The following MEIKIN variants were observed in gnomAD, a reference collection of about 807,000 sequenced individuals.
The protein encoded by MEIKIN is meiotic kinetochore factor.
intron 12 of MEIKIN, among the ~76,000 whole-genome samples, chr5:131,817,804 C>G (rs1294647630): frequency 6.6e-6 from 1 of 151,988 alleles, no homozygotes; most frequent in African/African-American, 2.4e-5. Flanking sequence ...GAAATAAGTA[C>G]AAGAATTAAG....
intron 11 of MEIKIN, among the ~76,000 whole-genome samples, chr5:131,846,771 T>G (rs1294839991): frequency 6.6e-6 from 1 of 152,124 alleles, no homozygotes; most frequent in South Asian, 2.1e-4. Context: ...CAGTGAGTCA[T>G]GATCATGCCA....
intron 5 of MEIKIN, among the ~76,000 whole-genome samples, 153 bp from the exon 6 acceptor site, chr5:131,922,094 G>T (rs1561755821): frequency 6.6e-6 from 1 of 152,146 alleles, no homozygotes; most frequent in African/African-American, 2.4e-5. Flanking sequence ...AAGCCTTGAT[G>T]GATCAATATA....
chr5:131,928,303 T>C (rs1751625350), intron 5 of MEIKIN, among the ~76,000 whole-genome samples: 1 of 152,232 alleles, frequency 6.6e-6, no homozygotes, highest in African/African-American at 2.4e-5. Context: ...GTCATTTCAC[T>C]AATTGTTTCT....
chr5:131,915,956 G>C (rs1428688817), intron 7 of MEIKIN, among the ~76,000 whole-genome samples: 3 of 151,960 alleles, frequency 2.0e-5, no homozygotes, highest in Admixed American at 6.6e-5. Flanking sequence ...CAATACATAG[G>C]CAACAGTCAT....
intron 5 of MEIKIN, among the ~76,000 whole-genome samples, chr5:131,928,807 A>G (rs1337748817): frequency 6.6e-6 from 1 of 152,212 alleles, no homozygotes; most frequent in Non-Finnish European, 1.5e-5. Flanking sequence ...AAAAACAAAA[A>G]TTGACAAATG....
intron 9 of MEIKIN, among the ~76,000 whole-genome samples, chr5:131,878,618 C>G (rs191469965): frequency 6.6e-6 from 1 of 151,952 alleles, no homozygotes; most frequent in Non-Finnish European, 1.5e-5. Context: ...GCCTGTAATT[C>G]CAGGACTTTG....
chr5:131,890,118 A>G (rs906185484), intron 8 of MEIKIN, among the ~76,000 whole-genome samples: 3 of 152,060 alleles, frequency 2.0e-5, no homozygotes, highest in African/African-American at 7.2e-5. Context: ...GTTTGCCAGT[A>G]TTTTATTGAG....
At chr5:131,896,926 T>A (rs1751063419) in intron 8 of MEIKIN, among the ~76,000 whole-genome samples, 1 of 152,250 alleles carries the variant, frequency 6.6e-6, no homozygotes. Flanking sequence ...CCTGTCATTA[T>A]GATGTTAGCT....
intron 6 of MEIKIN, among the ~76,000 whole-genome samples, chr5:131,920,127 G>C (rs1450662555): frequency 6.6e-6 from 1 of 152,166 alleles, no homozygotes; most frequent in Non-Finnish European, 1.5e-5. Flanking sequence ...GTTTCTTACA[G>C]GAGCCTGGGT....
chr5:131,889,316 CATG>C (rs919422681), intron 8 of MEIKIN, among the ~76,000 whole-genome samples: 3 of 152,190 alleles, frequency 2.0e-5, no homozygotes, highest in African/African-American at 4.8e-5. Context: ...TGGCCACTTT[CATG>C]ATATTGATTC....
intron 11 of MEIKIN, among the ~76,000 whole-genome samples, chr5:131,849,089 G>A (rs1005855374): frequency 3.3e-5 from 5 of 152,158 alleles, no homozygotes; most frequent in African/African-American, 9.6e-5. Context: ...ATACGGTTTG[G>A]ATTTGTGTCC....
chr5:131,832,821 C>T (rs941446280), intron 11 of MEIKIN, among the ~76,000 whole-genome samples: 3 of 152,234 alleles, frequency 2.0e-5, no homozygotes, highest in Non-Finnish European at 4.4e-5. Context: ...CCCTTTCAGC[C>T]AGAGCTAGAG....
At chr5:131,817,010 A>T (rs146296642) in intron 12 of MEIKIN, among the ~76,000 whole-genome samples, 1 of 152,274 alleles carries the variant, frequency 6.6e-6, no homozygotes, top group East Asian at 1.9e-4. Flanking sequence ...GAATAAAGAA[A>T]ATCTGCCCTC....
intron 11 of MEIKIN, among the ~76,000 whole-genome samples, chr5:131,830,941 A>C (rs1299148488): frequency 6.6e-6 from 1 of 151,874 alleles, no homozygotes; most frequent in Non-Finnish European, 1.5e-5. Context: ...TCTTTCACCC[A>C]GGCTGGAGTG....
chr5:131,827,833 G>A (rs777392464), intron 11 of MEIKIN, among the ~76,000 whole-genome samples: 5 of 151,898 alleles, frequency 3.3e-5, no homozygotes, highest in Admixed American at 2.0e-4. Context: ...TCAAACACAC[G>A]CAACATATAA....
intron 9 of MEIKIN, among the ~76,000 whole-genome samples, chr5:131,869,049 C>T (rs1750438719): frequency 6.6e-6 from 1 of 152,142 alleles, no homozygotes; most frequent in South Asian, 2.1e-4. Flanking sequence ...AAAAAGTCAT[C>T]ACCATACTCA....
At chr5:131,857,668 G>A (rs1474498172) in intron 9 of MEIKIN, among the ~76,000 whole-genome samples, 2 of 152,110 alleles carry the variant, frequency 1.3e-5, no homozygotes, top group Non-Finnish European at 2.9e-5. Context: ...CCATGGATGC[G>A]CACCTGCCTA....
Position 131,928,388 on chromosome 5 carries a change from T to C in MEIKIN, c.478+5125A>G, listed in dbSNP as rs566581302. ...CACTGCTTTTTGTATATATCGATAA[T>C]GCTTTTCTTTTTCTTCTTTTGTGAT... On this transcript the variant is annotated intron_variant, in intron 5 of 12. Coordinates refer to ENST00000442687, the MANE Select transcript of MEIKIN (RefSeq NM_001303622.2). Among the ~76,000 whole-genome samples, 32 of 152,288 alleles carry C rather than the reference T, an allele frequency of 2.1e-4. 1 individual carries two copies. In the South Asian group the frequency reaches 5.8e-3, roughly 28 times the overall value.
chr5:131,845,720 G>C (rs1286758547), intron 11 of MEIKIN, among the ~76,000 whole-genome samples: 1 of 151,842 alleles, frequency 6.6e-6, no homozygotes, highest in Non-Finnish European at 1.5e-5. Flanking sequence ...CTTGAAAATA[G>C]GACAATGAAT....
Sources: gnomAD v4.1 joint callset for allele counts (sites outside exome capture counted in the v4.1 genomes callset) on GRCh38, gnomAD v4.1.1 for gene constraint, MANE v1.5 for transcripts, NCBI Gene and HGNC (gene_info 2026-07-23, HGNC 2026-07-21) for gene names.